Variants in AUH observed in about 807,000 individuals in gnomAD.
The protein encoded by AUH is AU RNA binding methylglutaconyl-CoA hydratase.
Under a neutral mutation model 42.3 loss-of-function variants are expected in AUH, and 29 were observed. The ratio of observed to expected loss-of-function variants is 0.69; its 90% CI spans 0.51 to 0.93. The LOEUF (loss-of-function observed/expected upper bound fraction) is 0.93, where lower values mean the gene tolerates loss of function less well. Ranked by LOEUF, AUH falls within the 40% of genes least tolerant of loss-of-function variation. AUH has a pLI of 0.00. For synonymous variants in AUH, 174 were observed against 166.4 expected, an observed-to-expected ratio of 1.05 and a Z score of -0.35; for missense variants, 452 against 438.1, an observed-to-expected ratio of 1.03 and a Z score of -0.28.
chr9:91,357,884 A>G (rs1832552916), intron 1 of AUH, among the ~76,000 whole-genome samples: 1 of 152,236 alleles, frequency 6.6e-6, no homozygotes, highest in Non-Finnish European at 1.5e-5. Context: ...GACCTTCTAA[A>G]AAGTCTGGTC....
intron 4 of AUH, among the ~76,000 whole-genome samples, chr9:91,305,507 G>A (rs1828141119): frequency 6.6e-6 from 1 of 152,200 alleles, no homozygotes; most frequent in Non-Finnish European, 1.5e-5. Flanking sequence ...GAATGCAACT[G>A]TGGGGAGTTC....
At chr9:91,297,873 G>C (rs532462862) in intron 5 of AUH, 111 bp downstream of exon 5, 4 of 933,210 alleles carry the variant, frequency 4.3e-6, no homozygotes, top group Admixed American at 2.1e-5. Context: ...GTGACTTTTT[G>C]AAAATATTCT....
intron 3 of AUH, among the ~76,000 whole-genome samples, chr9:91,333,891 T>C (rs1830508749): frequency 6.6e-6 from 1 of 152,172 alleles, no homozygotes; most frequent in African/African-American, 2.4e-5. Flanking sequence ...TTCATAGGCT[T>C]TTTTCCCCTC....
rs1832904338 is a variant in AUH at position 91,361,911 on chromosome 9, C to T, written c.-22G>A. ...CCATGTTGTCTGTTTACGGCGTGGA[C>T]CTGCGACGGCCGCTCCGCCCCCGCC... On this transcript the variant is annotated 5_prime_UTR_variant, in exon 1 of 10. Coordinates refer to ENST00000375731, the MANE Select transcript of AUH (RefSeq NM_001698.3). The T allele has an allele frequency of 7.3e-6, 10 of 1,365,460 alleles. No individual in the cohort carries two copies. Among genetic ancestry groups the T allele is most frequent in the Admixed American group, 3.3e-5 (1 of 30,156 alleles). 84.6% of individuals were successfully genotyped at this position (1,365,460 alleles called of 1,614,324 possible).
At chr9:91,322,207 GAA>G (rs547427990) in intron 4 of AUH, among the ~76,000 whole-genome samples, 81 of 152,278 alleles carry the variant, frequency 5.3e-4, no homozygotes, top group African/African-American at 1.8e-3. Context: ...TGCAAAGACA[GAA>G]AGAGTTCCAG....
chr9:91,350,082 T>C (rs1382051018), intron 3 of AUH, among the ~76,000 whole-genome samples: 2 of 152,246 alleles, frequency 1.3e-5, no homozygotes, highest in Non-Finnish European at 2.9e-5. Context: ...AAACACATTA[T>C]GTATGGGAAA....
chr9:91,294,603 G>T, intron 6 of AUH: 1 of 429,760 alleles, frequency 2.3e-6, no homozygotes, highest in Non-Finnish European at 4.7e-6. Flanking sequence ...GCCATAGACA[G>T]TGATTCCTCT....
chr9:91,357,508 T>C lies in AUH; in HGVS notation c.263-1353A>G, dbSNP rs1338129031. 1.9e-5 allele frequency: 18 copies of C among 963,884 alleles called. No homozygotes were observed. In the East Asian group the frequency reaches 1.0e-3, roughly 55 times the overall value. The allele number at this position is 963,884 out of a possible 1,614,324, so 59.7% of individuals were successfully genotyped here. ...CTATAGTGATCAGCAGCCATGGAAC[T>C]AGAGTCTAGGAGGGAAATACAAACA... is the stretch of plus-strand genomic sequence containing the variant. On this transcript the variant is annotated intron_variant, in intron 1 of 9. Coordinates refer to ENST00000375731, the MANE Select transcript of AUH (RefSeq NM_001698.3).
intron 4 of AUH, among the ~76,000 whole-genome samples, chr9:91,299,087 G>A (rs190928325): frequency 6.6e-5 from 10 of 152,164 alleles, no homozygotes; most frequent in South Asian, 2.1e-4. Flanking sequence ...GCATGATGGC[G>A]GGTGCCTGTA....
intron 6 of AUH, among the ~76,000 whole-genome samples, chr9:91,255,361 G>A (rs9299391): frequency 0.49 from 74,087 of 152,112 alleles, 20,464 homozygotes; most frequent in African/African-American, 0.75. Context: ...TCGTCCCGAA[G>A]GAGTGGTTTC....
intron 6 of AUH, among the ~76,000 whole-genome samples, chr9:91,279,695 C>G (rs574311457): frequency 6.6e-6 from 1 of 152,182 alleles, no homozygotes; most frequent in Non-Finnish European, 1.5e-5. Flanking sequence ...TCTGCCCCAA[C>G]GATCCAGTCA....
intron 4 of AUH, among the ~76,000 whole-genome samples, chr9:91,310,626 A>AACTGTCTT (rs1353403152): frequency 6.6e-6 from 1 of 152,246 alleles, no homozygotes; most frequent in African/African-American, 2.4e-5. Flanking sequence ...ATAAAATCTA[A>AACTGTCTT]ACTGTCTATA....
chr9:91,318,231 T>C (rs1295559661), intron 4 of AUH, among the ~76,000 whole-genome samples: 1 of 152,086 alleles, frequency 6.6e-6, no homozygotes, highest in Non-Finnish European at 1.5e-5. Flanking sequence ...TGGTGCTTTC[T>C]CTGTGAAAAA....
chr9:91,242,985 G>A (rs1828602268), intron 6 of AUH, among the ~76,000 whole-genome samples: 1 of 152,136 alleles, frequency 6.6e-6, no homozygotes, highest in African/African-American at 2.4e-5. Flanking sequence ...ATTATTAACA[G>A]GTAAATAACT....
At chr9:91,285,227 A>G (rs576977929) in intron 6 of AUH, among the ~76,000 whole-genome samples, 95 of 151,076 alleles carry the variant, frequency 6.3e-4, no homozygotes, top group African/African-American at 2.1e-3. Context: ...ACCAAACACC[A>G]CATGTTCTCA....
chr9:91,325,511 T>A, intron 3 of AUH, 107 bp from the exon 4 acceptor site: 1 of 888,880 alleles, frequency 1.1e-6, no homozygotes, highest in Non-Finnish European at 1.8e-6. Flanking sequence ...ATCAGCCTAA[T>A]TCATCTTTTA....
intron 1 of AUH, among the ~76,000 whole-genome samples, chr9:91,356,450 C>T (rs952462101): frequency 6.6e-6 from 1 of 152,212 alleles, no homozygotes; most frequent in Non-Finnish European, 1.5e-5. Context: ...AAAGTAACCG[C>T]TAATAAACCT....
At chr9:91,250,383 G>A (rs1262721756) in intron 6 of AUH, among the ~76,000 whole-genome samples, 1 of 152,206 alleles carries the variant, frequency 6.6e-6, no homozygotes, top group African/African-American at 2.4e-5. Context: ...CAAACACAGT[G>A]TCTATTTATT....
chr9:91,236,211 A>T (rs894659212), intron 6 of AUH, among the ~76,000 whole-genome samples: 1 of 115,202 alleles, frequency 8.7e-6, no homozygotes, highest in African/African-American at 3.4e-5. Flanking sequence ...AGTTAGCATG[A>T]TTATTTTTTC....
Sources: gnomAD v4.1 joint callset for allele counts (sites outside exome capture counted in the v4.1 genomes callset) on GRCh38, gnomAD v4.1.1 for gene constraint, MANE v1.5 for transcripts, NCBI Gene and HGNC (gene_info 2026-07-23, HGNC 2026-07-21) for gene names.